AGBL4: variants seen among roughly 807,000 people sequenced by gnomAD.
AGBL4 encodes AGBL carboxypeptidase 4.
Under a neutral mutation model 66.4 loss-of-function variants are expected in AGBL4, and 58 were observed. The ratio of observed to expected loss-of-function variants is 0.87; its 90% CI spans 0.71 to 1.09. The LOEUF (loss-of-function observed/expected upper bound fraction) is 1.09. AGBL4 is among the 50% of genes least tolerant of loss of function. The pLI, the probability that AGBL4 is intolerant of heterozygous loss-of-function variation, is 0.00. For synonymous variants in AGBL4, 234 were observed against 222.9 expected (o/e 1.05, Z -0.44); for missense variants, 579 against 631.0 (o/e 0.92, Z 0.88).
intron 3 of AGBL4, among the ~76,000 whole-genome samples, chr1:49,670,739 A>G (rs1191304247): frequency 6.6e-6 from 1 of 152,206 alleles, no homozygotes. Context: ...TCACTGGCTA[A>G]ATACTAAGCA....
intron 3 of AGBL4, among the ~76,000 whole-genome samples, chr1:49,591,237 GAGA>G (rs1332991527): frequency 1.3e-5 from 2 of 151,528 alleles, no homozygotes; most frequent in African/African-American, 2.4e-5. Context: ...TTGTTTTTTT[GAGA>G]AGATTAACAA....
chr1:49,547,151 C>A (rs1652553427), intron 3 of AGBL4, among the ~76,000 whole-genome samples: 1 of 152,148 alleles, frequency 6.6e-6, no homozygotes, highest in African/African-American at 2.4e-5. Flanking sequence ...TAGATTTAAT[C>A]CTTAATCCAT....
At chr1:49,836,964 G>A (rs1557497322) in intron 2 of AGBL4, among the ~76,000 whole-genome samples, 1 of 152,196 alleles carries the variant, frequency 6.6e-6, no homozygotes, top group Non-Finnish European at 1.5e-5. Context: ...TCGTTCCAGA[G>A]AGGCACCTGC....
At chr1:49,491,468 A>G (rs1304682884) in intron 3 of AGBL4, among the ~76,000 whole-genome samples, 2 of 151,910 alleles carry the variant, frequency 1.3e-5, no homozygotes, top group African/African-American at 4.8e-5. Flanking sequence ...GCACCTAGAA[A>G]GCTGCATTGA....
chr1:48,758,152 G>C (rs1377043274), intron 6 of AGBL4, among the ~76,000 whole-genome samples: 1 of 152,142 alleles, frequency 6.6e-6, no homozygotes, highest in Non-Finnish European at 1.5e-5. Context: ...CAAACCAAAG[G>C]AGTTTTATAC....
chr1:49,460,897 T>G (rs1358783587), intron 3 of AGBL4, among the ~76,000 whole-genome samples: 1 of 151,732 alleles, frequency 6.6e-6, no homozygotes, highest in Non-Finnish European at 1.5e-5. Flanking sequence ...CTAATAATTG[T>G]TTTGTTTTAG....
chr1:49,506,358 T>C (rs1054393744), intron 3 of AGBL4, among the ~76,000 whole-genome samples: 1 of 152,062 alleles, frequency 6.6e-6, no homozygotes, highest in Non-Finnish European at 1.5e-5. Flanking sequence ...GTTGATATGG[T>C]TTGGCTATGT....
At chr1:49,319,364 A>G (rs1645092768) in intron 3 of AGBL4, among the ~76,000 whole-genome samples, 1 of 152,226 alleles carries the variant, frequency 6.6e-6, no homozygotes, top group African/African-American at 2.4e-5. Flanking sequence ...GAGAAACTAA[A>G]AAAATTACAA....
At chr1:49,299,308 T>TGCCTAA (rs1644701945) in intron 3 of AGBL4, among the ~76,000 whole-genome samples, 1 of 152,196 alleles carries the variant, frequency 6.6e-6, no homozygotes, top group Admixed American at 6.5e-5. Flanking sequence ...TTTAATAACA[T>TGCCTAA]GCCTAAGGTA....
intron 3 of AGBL4, among the ~76,000 whole-genome samples, chr1:49,443,987 A>C (rs1157795416): frequency 6.6e-6 from 1 of 151,800 alleles, no homozygotes; most frequent in Non-Finnish European, 1.5e-5. Flanking sequence ...TGTTTCAAGA[A>C]ATTTTTTTAG....
intron 3 of AGBL4, among the ~76,000 whole-genome samples, chr1:49,437,350 C>T (rs1168457931): frequency 6.6e-6 from 1 of 152,070 alleles, no homozygotes; most frequent in Non-Finnish European, 1.5e-5. Flanking sequence ...CACCAAACAT[C>T]TAGTAAATGG....
chr1:49,929,565 A>C (rs1350570972), intron 1 of AGBL4, among the ~76,000 whole-genome samples: 1 of 152,102 alleles, frequency 6.6e-6, no homozygotes, highest in Non-Finnish European at 1.5e-5. Flanking sequence ...TTTATAAACA[A>C]AATTAAGATT....
intron 1 of AGBL4, among the ~76,000 whole-genome samples, chr1:49,998,407 A>G (rs1424086236): frequency 1.3e-5 from 2 of 152,178 alleles, no homozygotes; most frequent in African/African-American, 4.8e-5. Context: ...AACTCTGAAC[A>G]GACAAGTAAC....
At chr1:49,698,341 C>T (rs952679031) in intron 2 of AGBL4, among the ~76,000 whole-genome samples, 2 of 152,180 alleles carry the variant, frequency 1.3e-5, no homozygotes, top group South Asian at 2.1e-4. Flanking sequence ...TTGAAATTAA[C>T]GTACACAATG....
At chr1:49,896,748 C>T (rs945321806) in intron 1 of AGBL4, among the ~76,000 whole-genome samples, 1 of 151,404 alleles carries the variant, frequency 6.6e-6, no homozygotes, top group Admixed American at 6.6e-5. Flanking sequence ...TTAAAAAGAT[C>T]ATTCCTCATG....
intron 9 of AGBL4, among the ~76,000 whole-genome samples, chr1:48,604,203 C>A (rs2148369118): frequency 6.6e-6 from 1 of 152,154 alleles, no homozygotes; most frequent in Non-Finnish European, 1.5e-5. Context: ...AAGAAGCATC[C>A]AAACATGAGA....
At chr1:49,834,788 T>C (rs1645801501) in intron 2 of AGBL4, among the ~76,000 whole-genome samples, 1 of 152,222 alleles carries the variant, frequency 6.6e-6, no homozygotes, top group African/African-American at 2.4e-5. Context: ...TTCTCATTGG[T>C]TTCAAAGAAC....
intron 3 of AGBL4, among the ~76,000 whole-genome samples, chr1:49,440,811 A>T (rs931696911): frequency 3.9e-5 from 6 of 152,156 alleles, no homozygotes; most frequent in African/African-American, 1.4e-4. Flanking sequence ...CATTGATTAG[A>T]AAAGAATGGG....
chr1:48,933,029 G>A (rs575800934), intron 5 of AGBL4, among the ~76,000 whole-genome samples: 1 of 151,988 alleles, frequency 6.6e-6, no homozygotes, highest in South Asian at 2.1e-4. Context: ...TTTATGCAAA[G>A]ATTATATGTG....
Sources: gnomAD v4.1 joint callset for allele counts (sites outside exome capture counted in the v4.1 genomes callset) on GRCh38, gnomAD v4.1.1 for gene constraint, MANE v1.5 for transcripts, NCBI Gene and HGNC (gene_info 2026-07-23, HGNC 2026-07-21) for gene names.